Variants in SH3BGRL2 observed in about 807,000 individuals in gnomAD.
The protein encoded by SH3BGRL2 is SH3 domain-binding glutamic acid-rich-like protein 2.
Under a neutral mutation model 14.8 loss-of-function variants are expected in SH3BGRL2, and 21 were observed. The ratio of observed to expected loss-of-function variants is 1.42; its 90% confidence interval spans 1.01 to 2.05. SH3BGRL2 has a LOEUF of 2.05. SH3BGRL2 is among the 30% of genes most tolerant of loss of function. The pLI is 0.00. For missense variants in SH3BGRL2, 147 were observed against 130.8 expected (o/e 1.12, Z -0.61); for synonymous variants, 50 against 47.8 (o/e 1.05, Z -0.19).
chr6:79,593,215 A>G, the SH3BGRL2 span, among the ~76,000 whole-genome samples: 5 of 152,218 alleles, frequency 3.3e-5, no homozygotes, highest in African/African-American at 4.8e-5. Context: ...TGGACTACAG[A>G]CAATACATGA....
At chr6:79,554,429 A>G in the SH3BGRL2 span, among the ~76,000 whole-genome samples, 1 of 152,188 alleles carries the variant, frequency 6.6e-6, no homozygotes, top group African/African-American at 2.4e-5. Flanking sequence ...TGACAAATCT[A>G]CTAACAGTCA....
In SH3BGRL2 at chr6:79,699,539, AT is replaced by A; in HGVS notation, c.*34del. The A allele has an allele frequency of 1.4e-6, 2 of 1,443,398 alleles. No individual in the cohort carries two copies. 89.4% of individuals were successfully genotyped at this position (1,443,398 alleles called of 1,614,324 possible). A position where few individuals can be genotyped will look rare whatever the true frequency, so the allele number is the denominator to read the frequency against. On this transcript the variant is annotated 3_prime_UTR_variant, in exon 4 of 4. Coordinates refer to ENST00000369838, the MANE Select transcript of SH3BGRL2 (RefSeq NM_031469.4). ...GAAGAGTGGAAGATGACGGAGATGCATTTTGAAGCACCCCTGGTACTCAGCA... is the reference window on the plus strand; with the variant it reads ...GAAGAGTGGAAGATGACGGAGATGCATTTGAAGCACCCCTGGTACTCAGCA...
chr6:79,584,143 C>A, the SH3BGRL2 span, among the ~76,000 whole-genome samples: 4 of 152,064 alleles, frequency 2.6e-5, no homozygotes, highest in African/African-American at 9.7e-5. Flanking sequence ...TTACTTTATT[C>A]CAGCAAACGT....
At chr6:79,611,279 G>C in the SH3BGRL2 span, among the ~76,000 whole-genome samples, 1 of 151,984 alleles carries the variant, frequency 6.6e-6, no homozygotes, top group South Asian at 2.1e-4. Context: ...CAATATTCCT[G>C]ACACAAAGAA....
At chr6:79,674,584 G>A (rs887327501) in intron 2 of SH3BGRL2, among the ~76,000 whole-genome samples, 7 of 152,208 alleles carry the variant, frequency 4.6e-5, no homozygotes, top group Non-Finnish European at 1.0e-4. Context: ...AGGAGCCACA[G>A]AGCTGAGGTG....
chr6:79,604,583 AT>A, the SH3BGRL2 span, among the ~76,000 whole-genome samples: 2 of 152,010 alleles, frequency 1.3e-5, no homozygotes, highest in African/African-American at 4.8e-5. Flanking sequence ...GTACCTCCCC[AT>A]TTTTTCCCCT....
chr6:79,621,609 A>G, the SH3BGRL2 span, among the ~76,000 whole-genome samples: 35 of 152,334 alleles, frequency 2.3e-4, no homozygotes, highest in African/African-American at 7.9e-4. Flanking sequence ...AATTCACCCA[A>G]GATTGCACCA....
the SH3BGRL2 span, among the ~76,000 whole-genome samples, chr6:79,590,424 G>GACATATAT: frequency 1.5e-5 from 1 of 66,666 alleles, no homozygotes; most frequent in Non-Finnish European, 2.7e-5. Flanking sequence ...AAGAAAATGT[G>GACATATAT]ATATATATAT....
chr6:79,552,020 T>C, the SH3BGRL2 span, among the ~76,000 whole-genome samples: 1 of 151,912 alleles, frequency 6.6e-6, no homozygotes, highest in Non-Finnish European at 1.5e-5. Context: ...AACCCAGGAG[T>C]TGGAAGTTGC....
At chr6:79,615,297 A>G in the SH3BGRL2 span, among the ~76,000 whole-genome samples, 1 of 152,236 alleles carries the variant, frequency 6.6e-6, no homozygotes, top group East Asian at 1.9e-4. Flanking sequence ...GGATTACACC[A>G]TAAGTTTACA....
intron 1 of SH3BGRL2, among the ~76,000 whole-genome samples, chr6:79,652,084 A>G (rs1247574791): frequency 6.6e-6 from 1 of 152,180 alleles, no homozygotes; most frequent in Admixed American, 6.5e-5. Flanking sequence ...ATTAAGAACA[A>G]CTGGGTAGGC....
intron 2 of SH3BGRL2, among the ~76,000 whole-genome samples, chr6:79,682,379 A>G (rs1050117052): frequency 7.2e-5 from 11 of 152,154 alleles, no homozygotes; most frequent in Non-Finnish European, 1.2e-4. Context: ...TAGGTTCTTC[A>G]TGCTTCAAAA....
chr6:79,547,983 A>G, the SH3BGRL2 span, among the ~76,000 whole-genome samples: 1 of 152,068 alleles, frequency 6.6e-6, no homozygotes, highest in Non-Finnish European at 1.5e-5. Flanking sequence ...CTCCCACCCC[A>G]GTGTCTCAAA....
intron 1 of SH3BGRL2, among the ~76,000 whole-genome samples, chr6:79,662,545 G>T (rs1769573960): frequency 6.6e-6 from 1 of 152,142 alleles, no homozygotes; most frequent in Non-Finnish European, 1.5e-5. Flanking sequence ...CCCTTTGCAG[G>T]TAACCCGACC....
the SH3BGRL2 span, among the ~76,000 whole-genome samples, chr6:79,590,376 G>A: frequency 7.7e-4 from 108 of 139,506 alleles, no homozygotes; most frequent in African/African-American, 2.7e-3. Context: ...GCAAAGCCGT[G>A]GAATCAACCT....
At chr6:79,549,235 CA>C in the SH3BGRL2 span, among the ~76,000 whole-genome samples, 2 of 152,118 alleles carry the variant, frequency 1.3e-5, no homozygotes, top group African/African-American at 4.8e-5. Flanking sequence ...TAAATAAAAT[CA>C]GACTAAGGGA....
intron 2 of SH3BGRL2, among the ~76,000 whole-genome samples, chr6:79,682,298 T>TATTC (rs1309766701): frequency 1.3e-5 from 2 of 152,096 alleles, no homozygotes; most frequent in African/African-American, 4.8e-5. Flanking sequence ...TTTTAATTTT[T>TATTC]ATTTATTTAT....
the SH3BGRL2 span, among the ~76,000 whole-genome samples, chr6:79,570,826 A>G: frequency 6.6e-6 from 1 of 152,234 alleles, no homozygotes; most frequent in Non-Finnish European, 1.5e-5. Context: ...ATTCAGGGAA[A>G]AAAACAAAAA....
chr6:79,602,472 A>G, the SH3BGRL2 span, among the ~76,000 whole-genome samples: 1 of 152,236 alleles, frequency 6.6e-6, no homozygotes, highest in African/African-American at 2.4e-5. Flanking sequence ...GCAGAAACCC[A>G]AAGTGTGCTT....
Sources: gnomAD v4.1 joint callset for allele counts (sites outside exome capture counted in the v4.1 genomes callset) on GRCh38, gnomAD v4.1.1 for gene constraint, MANE v1.5 for transcripts, NCBI Gene and HGNC (gene_info 2026-07-23, HGNC 2026-07-21) for gene names.